MATR3: variants seen among roughly 807,000 people sequenced by gnomAD.
The protein encoded by MATR3 is matrin 3.
MATR3 carries 4 observed loss-of-function variants against 85.5 expected under a neutral mutation model. The observed-to-expected ratio is 0.05, with a 90% CI of 0.02 to 0.11. MATR3 has a LOEUF of 0.11. Among genes scored for constraint, MATR3 ranks in the 10% least tolerant of loss-of-function variants. The pLI is 1.00. For synonymous variants in MATR3, 336 were observed against 343.1 expected (o/e 0.98, Z 0.23); for missense variants, 685 against 1,016.1 (o/e 0.67, Z 4.43).
At chr5:139,302,051 A>G (rs1013499885) in intron 1 of MATR3, among the ~76,000 whole-genome samples, 1 of 152,200 alleles carries the variant, frequency 6.6e-6, no homozygotes, top group African/African-American at 2.4e-5. Context: ...TCATGCTTGT[A>G]TTTCAGCCTT....
Position 139,317,100 on chromosome 5 carries a change from A to C in MATR3, c.1177A>C (p.Arg393=), listed in dbSNP as rs780647891. ...AGGACCTAGACACATGCAGAAAGGC[A>C]GAGTGGTCAGTAATGAAGCTTTTGG... is the stretch of plus-strand genomic sequence containing the variant. ...LQGPRHMQKG[R]VETSRVVHIM... The change falls in exon 6 of 15, where the codon AGA becomes CGA. Residue 393 remains arginine (R), a synonymous_variant. Transcript: ENST00000394805. The C allele has an allele frequency of 1.9e-6, 3 of 1,614,058 alleles. No individual in the cohort carries two copies. The highest frequency in any genetic ancestry group is 2.5e-6 in the Non-Finnish European group (3 of 1,179,932).
chr5:139,324,309 T>C (rs1008690542), intron 12 of MATR3, among the ~76,000 whole-genome samples: 8 of 149,488 alleles, frequency 5.4e-5, no homozygotes, highest in African/African-American at 2.0e-4. Context: ...TTTTTTTTTT[T>C]TGGAGACGGA....
chr5:139,328,147 C>G (rs1302375872), intron 14 of MATR3, among the ~76,000 whole-genome samples: 1 of 151,248 alleles, frequency 6.6e-6, no homozygotes, highest in Non-Finnish European at 1.5e-5. Context: ...CAGGCGTGAG[C>G]CATCATGCCC....
At chr5:139,310,956 C>G (rs1027617255) in intron 2 of MATR3, 1 of 152,316 alleles carries the variant, frequency 6.6e-6, no homozygotes, top group African/African-American at 2.4e-5. Context: ...CATGCGCCAC[C>G]ACGCCCAGCT....
At chr5:139,326,421 A>C (rs369006706) in intron 14 of MATR3, 137 bp downstream of exon 14, 15 of 704,388 alleles carry the variant, frequency 2.1e-5, no homozygotes, top group Non-Finnish European at 3.0e-5. Context: ...CTTTTTATTT[A>C]CTTTTTTTTT....
At chr5:139,302,593 G>A (rs1754506484) in intron 1 of MATR3, among the ~76,000 whole-genome samples, 2 of 152,084 alleles carry the variant, frequency 1.3e-5, no homozygotes, top group South Asian at 4.2e-4. Context: ...AAAATAAGTT[G>A]GATGCTTGGT....
chr5:139,281,356 G>GTTTTTTTTTTTTT (rs1371325133), intron 3 of MATR3, among the ~76,000 whole-genome samples: 40 of 101,054 alleles, frequency 4.0e-4, no homozygotes, highest in South Asian at 7.0e-4. Context: ...TTTTTTTTTT[G>GTTTTTTTTTTTTT]TTTTTTTTTT....
Position 139,308,242 on chromosome 5 carries a change from G to C in MATR3, c.827G>C (p.Ser276Thr), listed in dbSNP as rs762374587. The C allele has an allele frequency of 6.2e-7, 1 of 1,613,982 alleles. No homozygotes were observed. Among genetic ancestry groups the C allele is most frequent in the African/African-American group, 1.3e-5 (1 of 74,910 alleles). Reference sequence around the variant, plus strand: ...AAAAAGAGAGGCGCTCCTCCAAGTAGCAATATTGAAGACTTCCATGGACTC... The same window carrying C: ...AAAAAGAGAGGCGCTCCTCCAAGTACCAATATTGAAGACTTCCATGGACTC... Reference protein sequence around the residue: ...FEKKRGAPPSSNIEDFHGLLP... With the variant: ...FEKKRGAPPSTNIEDFHGLLP... Residue 276 changes from serine to threonine, a missense_variant, in exon 2 of 15, where the codon AGC (serine) becomes ACC (threonine). Ser to Thr is a moderately conservative substitution (Grantham distance 58, BLOSUM62 1). Around this residue, in one of 9 missense-constraint regions of MATR3, gnomAD observed 223 missense variants for 334.4 expected, o/e 0.67. Coordinates refer to ENST00000394805, the MANE Select transcript of MATR3 (RefSeq NM_018834.6).
Position 139,280,941 on chromosome 5 carries a change from C to T in MATR3, c.-178+1812C>T, listed in dbSNP as rs75477400. Among the ~76,000 whole-genome samples, 578 of 152,096 alleles carry T rather than the reference C, an allele frequency of 3.8e-3. 2 individuals carry two copies. The highest frequency in any genetic ancestry group is 6.4e-3 in the Non-Finnish European group (432 of 67,984). The stretch of plus-strand genomic sequence containing the variant: ...CTACTTGATAAATAAAGTTACTCAC[C>T]TACTTATCCCTGTCGATTTTTTTTT... On this transcript the variant is annotated intron_variant, in intron 3 of 16. Coordinates refer to ENST00000509990, the Ensembl canonical transcript of MATR3.
At chr5:139,281,412 A>T (rs1227589649) in intron 3 of MATR3, among the ~76,000 whole-genome samples, 2 of 134,280 alleles carry the variant, frequency 1.5e-5, no homozygotes, top group Admixed American at 8.8e-5. Context: ...GCACGATCTC[A>T]GCTCACTGCA....
chr5:139,284,947 A>C (rs910968824), intron 3 of MATR3, among the ~76,000 whole-genome samples: 2 of 152,228 alleles, frequency 1.3e-5, no homozygotes, highest in African/African-American at 4.8e-5. Context: ...GGCGCCATAG[A>C]ATATCAACAC....
intron 1 of MATR3, among the ~76,000 whole-genome samples, chr5:139,302,995 T>G (rs1754528087): frequency 1.3e-5 from 2 of 152,148 alleles, no homozygotes; most frequent in South Asian, 4.1e-4. Flanking sequence ...GTTTTATGGT[T>G]AAACCATAAA....
At chr5:139,294,455 C>T (rs12055090) in intron 1 of MATR3, 1 of 157,498 alleles carries the variant, frequency 6.3e-6, no homozygotes, top group Admixed American at 6.5e-5. Flanking sequence ...AGAGCGCCCC[C>T]TAAGACTCCC....
At position 139,316,062 on chromosome 5, in the gene MATR3, C is replaced by T. The variant is rs746469060; in HGVS notation, c.1017-14C>T. 6.5e-7 allele frequency: 1 copy of T among 1,532,996 alleles called. No homozygotes were observed. Among genetic ancestry groups the T allele is most frequent in the Non-Finnish European group, 9.0e-7 (1 of 1,109,840 alleles). 95.0% of individuals were successfully genotyped at this position (1,532,996 alleles called of 1,614,324 possible). ...CTTTATTATGATTTATATTTTATGT[C>T]TTCACTTTACTAGGGGTGATCCATT... On this transcript the variant is annotated splice_polypyrimidine_tract_variant and intron_variant, in intron 4 of 14. Coordinates refer to ENST00000394805, the MANE Select transcript of MATR3 (RefSeq NM_018834.6).
intron 1 of MATR3, among the ~76,000 whole-genome samples, chr5:139,300,796 C>G (rs1754399307): frequency 1.3e-5 from 2 of 152,174 alleles, no homozygotes; most frequent in Non-Finnish European, 2.9e-5. Flanking sequence ...GCACATGCCA[C>G]CACACCTGGC....
At chr5:139,296,557 G>T (rs1476217077) in intron 1 of MATR3, among the ~76,000 whole-genome samples, 1 of 152,136 alleles carries the variant, frequency 6.6e-6, no homozygotes. Flanking sequence ...AGAGTCCTCT[G>T]TATTTTTAAG....
Position 139,322,735 on chromosome 5 carries a change from C to A in MATR3, c.1916C>A (p.Thr639Lys). ...EKSGEDGEKDTKDDQTEQEPN... is the reference protein window; with the variant it reads ...EKSGEDGEKDKKDDQTEQEPN... ...TCCGGTGAAGATGGTGAGAAAGACA[C>A]AAAGGATGACCAGACAGAGCAGGAA... Residue 639 changes from threonine (T) to lysine (K), a missense_variant, in exon 12 of 15, where the codon ACA becomes AAA. Transcript: ENST00000394805. The A allele has an allele frequency of 6.2e-7, 1 of 1,614,094 alleles. No homozygotes were observed.
At chr5:139,316,976 TG>T in intron 5 of MATR3, 76 bp from the exon 6 acceptor site, 2 of 1,094,806 alleles carry the variant, frequency 1.8e-6, no homozygotes, top group South Asian at 2.6e-5. Flanking sequence ...GTTTGGAAGA[TG>T]CACGTTTTTC....
At chr5:139,328,157 C>T (rs1241592445) in intron 14 of MATR3, among the ~76,000 whole-genome samples, 3 of 150,812 alleles carry the variant, frequency 2.0e-5, no homozygotes, top group African/African-American at 4.9e-5. Context: ...CCATCATGCC[C>T]GGCCTATTAT....
Sources: allele counts gnomAD v4.1 joint callset (sites outside exome capture counted in the v4.1 genomes callset), GRCh38; gene constraint gnomAD v4.1.1; regional missense constraint gnomAD v4.1.1; transcripts MANE v1.5; gene names NCBI Gene and HGNC (gene_info 2026-07-23, HGNC 2026-07-21).